ST7: variants seen among roughly 807,000 people sequenced by gnomAD.
ST7 encodes the protein suppressor of tumorigenicity 7 protein.
ST7 carries 28 observed loss-of-function variants against 78.7 expected under a neutral mutation model. The observed-to-expected ratio is 0.36, with a 90% CI of 0.26 to 0.49. ST7 has a LOEUF of 0.49. Ranked by LOEUF, ST7 falls within the 20% of genes least tolerant of loss-of-function variation. ST7 has a pLI of 0.99. For synonymous variants in ST7, 247 were observed against 249.6 expected, an observed-to-expected ratio of 0.99 and a Z score of 0.10; for missense variants, 418 against 696.0, an observed-to-expected ratio of 0.60 and a Z score of 4.49.
chr7:117,054,451 C>T (rs993143137), intron 1 of ST7, among the ~76,000 whole-genome samples: 1 of 152,120 alleles, frequency 6.6e-6, no homozygotes, highest in Non-Finnish European at 1.5e-5. Context: ...ACATGCATCC[C>T]GGAGGTGGAG....
rs532561979 is a variant in ST7 at position 117,226,361 on chromosome 7, TG to T, written c.1639-3400del. On this transcript the variant is annotated intron_variant, in intron 15 of 15. Coordinates refer to ENST00000323984, the MANE Select transcript of ST7 (RefSeq NM_001369598.1). ...TCCTAGGGCATTTTGATTAAAGATA[TG>T]ACCATGTATCTCTGCCCTCTGGACA... Among the ~76,000 whole-genome samples, 50 of 152,318 alleles carry T rather than the reference TG, an allele frequency of 3.3e-4. 2 individuals carry two copies. The South Asian group carries it at 9.6e-3, about 29-fold the overall frequency.
intron 1 of ST7, among the ~76,000 whole-genome samples, chr7:117,042,945 T>C (rs1797305570): frequency 6.6e-6 from 1 of 152,172 alleles, no homozygotes; most frequent in Admixed American, 6.5e-5. Context: ...CTATATATAT[T>C]CTTTCATCAT....
chr7:117,029,365 G>A (rs1432885392), intron 1 of ST7, among the ~76,000 whole-genome samples: 2 of 151,942 alleles, frequency 1.3e-5, no homozygotes, highest in Non-Finnish European at 2.9e-5. Flanking sequence ...AATTTTTCAT[G>A]TTCTTTTTGG....
At chr7:117,113,940 G>A (rs1403898122) in intron 2 of ST7, among the ~76,000 whole-genome samples, 2 of 152,190 alleles carry the variant, frequency 1.3e-5, no homozygotes, top group Non-Finnish European at 2.9e-5. Context: ...AGTAGTTAAT[G>A]CTGCGGTGGA....
At chr7:117,145,953 A>G (rs930444289) in intron 9 of ST7, among the ~76,000 whole-genome samples, 1 of 152,174 alleles carries the variant, frequency 6.6e-6, no homozygotes, top group Admixed American at 6.6e-5. Flanking sequence ...GCTCCTTTAA[A>G]AAAATAGTCA....
At chr7:117,098,139 T>C (rs1311954646) in intron 1 of ST7, among the ~76,000 whole-genome samples, 1 of 151,028 alleles carries the variant, frequency 6.6e-6, no homozygotes, top group Non-Finnish European at 1.5e-5. Context: ...CATTTAAGAG[T>C]AGGTGCAGTG....
chr7:116,959,038 C>G, intron 1 of ST7: 1 of 388,452 alleles, frequency 2.6e-6, no homozygotes, highest in South Asian at 2.0e-5. Flanking sequence ...GTGATGCTGT[C>G]TGATAGCATT....
intron 1 of ST7, among the ~76,000 whole-genome samples, chr7:117,075,129 T>G (rs143907723): frequency 6.6e-6 from 1 of 152,316 alleles, no homozygotes; most frequent in Non-Finnish European, 1.5e-5. Context: ...AGGATTTTTG[T>G]GAGGAATAAA....
At chr7:117,093,950 C>T (rs531425222) in intron 1 of ST7, among the ~76,000 whole-genome samples, 1 of 152,204 alleles carries the variant, frequency 6.6e-6, no homozygotes, top group East Asian at 1.9e-4. Context: ...AAACCAAAGC[C>T]CCCTATTCTT....
chr7:117,182,632 CAT>C (rs1205642497), intron 10 of ST7: 1 of 152,084 alleles, frequency 6.6e-6, no homozygotes, highest in Non-Finnish European at 1.5e-5. Context: ...ACCACACAAT[CAT>C]AGGAACAAAC....
chr7:117,071,855 C>G (rs908402017), intron 1 of ST7, among the ~76,000 whole-genome samples: 4 of 152,184 alleles, frequency 2.6e-5, no homozygotes, highest in African/African-American at 9.7e-5. Context: ...GCCTTGGCAG[C>G]AATTTATTTT....
intron 1 of ST7, chr7:116,959,211 A>G (rs1792693496): frequency 2.1e-6 from 1 of 470,604 alleles, no homozygotes; most frequent in Non-Finnish European, 4.4e-6. Flanking sequence ...TTCTTTGCTC[A>G]TCAAAAGAAA....
chr7:117,144,352 C>G (rs1331492607), intron 9 of ST7: 1 of 151,878 alleles, frequency 6.6e-6, no homozygotes, highest in Non-Finnish European at 1.5e-5. Context: ...GTCAGACACT[C>G]CTCAGTGGCT....
At chr7:117,204,709 C>A (rs1791574600) in intron 12 of ST7, among the ~76,000 whole-genome samples, 1 of 152,084 alleles carries the variant, frequency 6.6e-6, no homozygotes, top group Admixed American at 6.6e-5. Flanking sequence ...TTAAAAACAT[C>A]TTTTCTGGTC....
chr7:117,084,593 T>G (rs1245193156), intron 1 of ST7, among the ~76,000 whole-genome samples: 1 of 152,198 alleles, frequency 6.6e-6, no homozygotes, highest in Non-Finnish European at 1.5e-5. Context: ...TTAAGTGATT[T>G]AATCTTCACT....
intron 13 of ST7, 100 bp from the exon 14 acceptor site, chr7:117,218,984 A>C (rs1400078542): frequency 8.1e-6 from 7 of 861,028 alleles, no homozygotes; most frequent in South Asian, 3.2e-5. Flanking sequence ...CCTTTGTAGA[A>C]GTGTTCCCTG....
At chr7:117,127,022 GTTTGTTGTATCAAGGGTATATT>G (rs1221679119) in intron 3 of ST7, among the ~76,000 whole-genome samples, 1 of 151,838 alleles carries the variant, frequency 6.6e-6, no homozygotes, top group Non-Finnish European at 1.5e-5. Flanking sequence ...TAGAGAGCAT[GTTTGTTGTATCAAGGGTATATT>G]TTTAACTATA....
At chr7:117,041,896 A>G (rs1797251875) in intron 1 of ST7, among the ~76,000 whole-genome samples, 1 of 152,204 alleles carries the variant, frequency 6.6e-6, no homozygotes, top group Admixed American at 6.5e-5. Flanking sequence ...TGAATTATCC[A>G]GGTAGGCTCA....
intron 13 of ST7, among the ~76,000 whole-genome samples, chr7:117,213,966 A>G (rs1284766105): frequency 2.6e-5 from 4 of 152,168 alleles, no homozygotes; most frequent in Admixed American, 6.5e-5. Context: ...CTTCTTCACT[A>G]GGGTATTACA....
Sources: allele counts gnomAD v4.1 joint callset (sites outside exome capture counted in the v4.1 genomes callset), GRCh38; gene constraint gnomAD v4.1.1; transcripts MANE v1.5; gene names NCBI Gene and HGNC (gene_info 2026-07-23, HGNC 2026-07-21).